EMC3: variants seen among roughly 807,000 people sequenced by gnomAD.
The protein encoded by EMC3 is ER membrane protein complex subunit 3.
EMC3 carries 13 observed loss-of-function variants against 36.6 expected under a neutral mutation model. That is an observed-to-expected ratio of 0.35 (90% CI 0.23 to 0.56). The LOEUF is 0.56. Ranked by LOEUF, EMC3 falls within the 20% of genes least tolerant of loss-of-function variation. EMC3 has a pLI of 0.84. For missense variants in EMC3, 220 were observed against 324.5 expected, an observed-to-expected ratio of 0.68 and a Z score of 2.47; for synonymous variants, 120 against 111.9, an observed-to-expected ratio of 1.07 and a Z score of -0.46.
intron 4 of EMC3, among the ~76,000 whole-genome samples, 179 bp downstream of exon 4, chr3:9,974,205 C>A (rs2085819832): frequency 1.3e-5 from 2 of 152,166 alleles, no homozygotes; most frequent in African/African-American, 2.4e-5. Context: ...TAAAAAGCAT[C>A]CACGTCATGA....
chr3:10,008,527 C>G (rs776178145), intron 1 of EMC3: 5 of 1,349,858 alleles, frequency 3.7e-6, no homozygotes, highest in African/African-American at 1.5e-5. Context: ...GAGCAGGCCT[C>G]AGCAGGGCGG....
chr3:9,986,434 T>C (rs2085973066), intron 1 of EMC3, 73 bp downstream of exon 1: 2 of 1,570,590 alleles, frequency 1.3e-6, no homozygotes, highest in Admixed American at 1.7e-5. Flanking sequence ...CTAGGCAAAT[T>C]GACACAACTC....
At chr3:9,989,650 T>C (rs17050685), upstream of EMC3, among the ~76,000 whole-genome samples, 8,368 of 152,272 alleles carry the variant, frequency 0.055, 758 homozygotes, top group African/African-American at 0.19. Context: ...TGAATAACTT[T>C]TTGTGGTGAG....
chr3:9,995,962 C>T (rs886847464), intron 1 of EMC3, among the ~76,000 whole-genome samples: 1 of 151,992 alleles, frequency 6.6e-6, no homozygotes, highest in African/African-American at 2.4e-5. Flanking sequence ...ACATTAAGTG[C>T]CTATTCTGTG....
chr3:10,006,273 G>C (rs1324099046), intron 1 of EMC3: 2 of 152,270 alleles, frequency 1.3e-5, no homozygotes, highest in Non-Finnish European at 2.9e-5. Flanking sequence ...CTGCCGCAGG[G>C]TTGCCAGGAG....
chr3:9,996,444 C>CA (rs1193638775), intron 1 of EMC3, among the ~76,000 whole-genome samples: 84 of 151,942 alleles, frequency 5.5e-4, no homozygotes, highest in African/African-American at 2.0e-3. Flanking sequence ...GACTCTATCT[C>CA]AAAAATAGAC....
chr3:9,987,864 A>G (rs2085996503), upstream of EMC3: 11 of 737,218 alleles, frequency 1.5e-5, no homozygotes, highest in Non-Finnish European at 2.2e-5. Context: ...CCTACCCACT[A>G]TGAATGAGCA....
At chr3:9,986,418 G>C (rs958968009) in intron 1 of EMC3, 89 bp downstream of exon 1, 2 of 1,505,042 alleles carry the variant, frequency 1.3e-6, no homozygotes, top group African/African-American at 2.7e-5. Flanking sequence ...GGGGCGCGAC[G>C]TGAACCTAGG....
intron 1 of EMC3, among the ~76,000 whole-genome samples, chr3:9,978,600 G>A (rs1449626945): frequency 1.3e-5 from 2 of 152,150 alleles, no homozygotes; most frequent in Non-Finnish European, 2.9e-5. Flanking sequence ...GGGAGGCCGA[G>A]GTGGGCGGAT....
intron 1 of EMC3, among the ~76,000 whole-genome samples, chr3:9,983,405 C>T (rs1239284586): frequency 6.6e-6 from 1 of 152,174 alleles, no homozygotes; most frequent in Non-Finnish European, 1.5e-5. Context: ...ACCTCAGCCT[C>T]CCTAAGTGCT....
chr3:10,007,996 C>T (rs1303385996), intron 1 of EMC3, among the ~76,000 whole-genome samples: 1 of 152,158 alleles, frequency 6.6e-6, no homozygotes, highest in East Asian at 1.9e-4. Context: ...CTTGTCTCCC[C>T]AGTGAGCTGC....
At chr3:9,976,698 T>C (rs972554912) in intron 3 of EMC3, among the ~76,000 whole-genome samples, 3 of 152,140 alleles carry the variant, frequency 2.0e-5, no homozygotes, top group East Asian at 1.9e-4. Context: ...CCAGGGACAA[T>C]AGCTCTGGCC....
chr3:9,962,945 C>T lies in EMC3; in HGVS notation c.*1124G>A, dbSNP rs2085701795. Reference sequence around the variant, plus strand: ...GAGGTCCTTCATCCAAAGGAGTAGCCATTTCCAGTATAGCACCACTGATTT... The same window carrying T: ...GAGGTCCTTCATCCAAAGGAGTAGCTATTTCCAGTATAGCACCACTGATTT... On this transcript the variant is annotated 3_prime_UTR_variant, in exon 8 of 8. Transcript: ENST00000245046. 6.6e-6 allele frequency: 1 copy of T among 152,104 alleles called. No individual in the cohort carries two copies. Among genetic ancestry groups the T allele is most frequent in the Non-Finnish European group, 1.5e-5 (1 of 68,032 alleles). 9.4% of individuals were successfully genotyped at this position (152,104 alleles called of 1,614,324 possible).
intron 1 of EMC3, among the ~76,000 whole-genome samples, chr3:9,986,129 C>T (rs746801674): frequency 5.9e-5 from 9 of 152,134 alleles, no homozygotes; most frequent in Non-Finnish European, 1.3e-4. Flanking sequence ...CTGGATGTTA[C>T]AAAGACTAAA....
At position 9,981,636 on chromosome 3, in the gene EMC3, T is replaced by A. The variant is rs190532542; in HGVS notation, c.156-4190A>T. The A allele has an allele frequency of 2.7e-4, 88 of 328,210 alleles. 1 individual carries two copies. In the Middle Eastern group the frequency reaches 9.1e-3, roughly 34 times the overall value. 20.3% of individuals were successfully genotyped at this position (328,210 alleles called of 1,614,324 possible). ...TTTTTGCAGAGACAGGGTCTTACCA[T>A]GCTGCCAAGGTTGGTCTCAAATTCC... On this transcript the variant is annotated intron_variant, in intron 1 of 7. Coordinates refer to ENST00000245046, the MANE Select transcript of EMC3 (RefSeq NM_001394674.1).
intron 1 of EMC3, among the ~76,000 whole-genome samples, chr3:9,992,611 GATGTT>G (rs1310539837): frequency 6.6e-6 from 1 of 152,162 alleles, no homozygotes; most frequent in Non-Finnish European, 1.5e-5. Flanking sequence ...TAAATGTGAA[GATGTT>G]CAAAGTTACT....
chr3:9,965,433 G>GATAC, intron 7 of EMC3, among the ~76,000 whole-genome samples: 1 of 151,522 alleles, frequency 6.6e-6, no homozygotes, highest in Non-Finnish European at 1.5e-5. Flanking sequence ...TAGATAGATA[G>GATAC]ATAGATAGAT....
Position 9,973,598 on chromosome 3 carries a change from T to C in EMC3, c.494+30A>G, listed in dbSNP as rs2085812964. 1.9e-6 allele frequency: 3 copies of C among 1,601,092 alleles called. No homozygotes were observed. The South Asian group carries it at 3.3e-5, about 18-fold the overall frequency. ...CCTTGGCTTCCCAAAGTGTGGTTTGTGTTTTTATTAAACAAAAGAAAGTTC... is the reference window on the plus strand; with the variant it reads ...CCTTGGCTTCCCAAAGTGTGGTTTGCGTTTTTATTAAACAAAAGAAAGTTC... On this transcript the variant is annotated intron_variant, in intron 5 of 7. Transcript: ENST00000245046.
intron 1 of EMC3, among the ~76,000 whole-genome samples, chr3:9,998,105 A>G (rs1220143104): frequency 1.3e-5 from 2 of 151,804 alleles, no homozygotes; most frequent in African/African-American, 4.8e-5. Flanking sequence ...AGTGGCTCAC[A>G]CCTGTAATCC....
Sources: gnomAD v4.1 joint callset for allele counts (sites outside exome capture counted in the v4.1 genomes callset) on GRCh38, gnomAD v4.1.1 for gene constraint, MANE v1.5 for transcripts, NCBI Gene and HGNC (gene_info 2026-07-23, HGNC 2026-07-21) for gene names.